Variants in ACIN1 observed in about 807,000 individuals in gnomAD.
The protein encoded by ACIN1 is apoptotic chromatin condensation inducer 1.
ACIN1 carries 16 observed loss-of-function variants against 146.6 expected under a neutral mutation model. The ratio of observed to expected loss-of-function variants is 0.11; its 90% CI spans 0.07 to 0.17. The LOEUF (loss-of-function observed/expected upper bound fraction) is 0.17. ACIN1 is among the 10% of genes least tolerant of loss of function. ACIN1 has a pLI of 1.00. For synonymous variants in ACIN1, 569 were observed against 582.7 expected (o/e 0.98, Z 0.34); for missense variants, 1,357 against 1,609.3 (o/e 0.84, Z 2.68).
chr14:23,093,427 T>A, intron 2 of ACIN1, 52 bp downstream of exon 2: 1 of 1,530,392 alleles, frequency 6.5e-7, no homozygotes, highest in Non-Finnish European at 9.1e-7. Flanking sequence ...CGTCCTTCCA[T>A]GTGTCTGGAT....
At chr14:23,077,288 A>AT (rs960313058) in intron 8 of ACIN1, among the ~76,000 whole-genome samples, 4 of 152,238 alleles carry the variant, frequency 2.6e-5, no homozygotes, top group African/African-American at 9.6e-5. Context: ...TTAATATGGC[A>AT]TAAAAACAAG....
intron 10 of ACIN1, among the ~76,000 whole-genome samples, chr14:23,065,135 A>G (rs971384992): frequency 3.9e-5 from 6 of 152,130 alleles, no homozygotes; most frequent in Middle Eastern, 3.2e-3. Flanking sequence ...TCATGATGGG[A>G]TCTGGTCTTC....
chr14:23,088,693 G>A (rs551450331), intron 4 of ACIN1, among the ~76,000 whole-genome samples: 12 of 152,272 alleles, frequency 7.9e-5, no homozygotes, highest in African/African-American at 2.9e-4. Flanking sequence ...TTACACATTG[G>A]TTTAACATAT....
chr14:23,092,378 C>T (rs1566760402), intron 2 of ACIN1, among the ~76,000 whole-genome samples: 4 of 151,972 alleles, frequency 2.6e-5, no homozygotes, highest in African/African-American at 9.7e-5. Context: ...TGCACAAACC[C>T]GGTGTTAATA....
In ACIN1 at chr14:23,080,717, A is replaced by T; in HGVS notation, c.618T>A (p.Asp206Glu). 6.2e-7 allele frequency: 1 copy of T among 1,612,930 alleles called. No homozygotes were observed. The change falls in exon 6 of 19, where the codon GAT becomes GAA. Residue 206 changes from aspartate (D) to glutamate (E), a missense_variant. Asp to Glu is a conservative substitution (Grantham distance 45). Around this residue, in one of 4 missense-constraint regions of ACIN1, gnomAD observed 771 missense variants for 746.6 expected, o/e 1.03. Transcript: ENST00000605057. ...TPSRNLRVRA[D>E]RNLKTEEEEE... ...CTTCCTCCTCTGTTTTCAAATTTCGATCTGCTCTGACCCTTAGGTTTCTGG... is the reference window on the plus strand; with the variant it reads ...CTTCCTCCTCTGTTTTCAAATTTCGTTCTGCTCTGACCCTTAGGTTTCTGG...
intron 5 of ACIN1, 97 bp downstream of exon 5, chr14:23,081,651 T>C: frequency 1.8e-6 from 2 of 1,099,944 alleles, no homozygotes; most frequent in East Asian, 2.4e-5. Flanking sequence ...ACAAAACCCC[T>C]AAATGTAGAG....
intron 4 of ACIN1, among the ~76,000 whole-genome samples, chr14:23,088,622 A>G (rs771956165): frequency 6.6e-6 from 1 of 151,428 alleles, no homozygotes; most frequent in Non-Finnish European, 1.5e-5. Context: ...CATCCTAAAA[A>G]CACTGATTAT....
In ACIN1 at chr14:23,058,971, G is replaced by A; in HGVS notation, c.*177C>T. The A allele has an allele frequency of 1.6e-6, 1 of 628,642 alleles. No individual in the cohort carries two copies. The highest frequency in any genetic ancestry group is 2.0e-5 in the South Asian group (1 of 51,048). 38.9% of individuals were successfully genotyped at this position (628,642 alleles called of 1,614,324 possible). ...GGTCGGGCTAAGTCCCAAGAGATAGGTTAAGGGGGTGTGTTTGGGGGGAAA... is the reference window on the plus strand; with the variant it reads ...GGTCGGGCTAAGTCCCAAGAGATAGATTAAGGGGGTGTGTTTGGGGGGAAA... On this transcript the variant is annotated 3_prime_UTR_variant, in exon 19 of 19. Coordinates refer to ENST00000605057, the MANE Select transcript of ACIN1 (RefSeq NM_001386863.1).
chr14:23,090,449 A>G lies in ACIN1; in HGVS notation c.316+73T>C. ...CACTTATTTCTGAAATTGTCTAGTTAGACAGGCCTATCTACTTGGTGACAG... is the reference window on the plus strand; with the variant it reads ...CACTTATTTCTGAAATTGTCTAGTTGGACAGGCCTATCTACTTGGTGACAG... On this transcript the variant is annotated intron_variant, in intron 3 of 18. Coordinates refer to ENST00000605057, the MANE Select transcript of ACIN1 (RefSeq NM_001386863.1). 3 of 1,313,412 alleles carry G rather than the reference A, an allele frequency of 2.3e-6. No individual in the cohort carries two copies. In the East Asian group the frequency reaches 7.0e-5, roughly 31 times the overall value. The allele number at this position is 1,313,412 out of a possible 1,614,324, so 81.4% of individuals were successfully genotyped here. A position where few individuals can be genotyped will look rare whatever the true frequency, so the allele number is the denominator to read the frequency against.
At chr14:23,081,713 T>C in intron 5 of ACIN1, 35 bp downstream of exon 5, 1 of 1,477,834 alleles carries the variant, frequency 6.8e-7, no homozygotes, top group Non-Finnish European at 9.3e-7. Context: ...AAAGCATTAC[T>C]GAAGAGGTAA....
rs2140053048 is a variant in ACIN1 at position 23,068,602 on chromosome 14, A to C, written c.2265+874T>G. ...AGTAGCAGCGGGTGGGTCCAGAGGA[A>C]GAGGCGGCATCAGCGATTGGCCAGT... On this transcript the variant is annotated intron_variant, in intron 9 of 18. Coordinates refer to ENST00000605057, the MANE Select transcript of ACIN1 (RefSeq NM_001386863.1). The surrounding 1 kb of genome is among the most constrained non-coding windows in gnomAD (Gnocchi z 4.3). 3.0e-6 allele frequency: 3 copies of C among 985,974 alleles called. No homozygotes were observed. In the South Asian group the frequency reaches 1.4e-4, roughly 46 times the overall value. The allele number at this position is 985,974 out of a possible 1,614,324, so 61.1% of individuals were successfully genotyped here.
upstream of ACIN1, chr14:23,095,217 C>A (rs769064654): frequency 1.2e-6 from 2 of 1,613,860 alleles, no homozygotes; most frequent in Admixed American, 3.3e-5. Context: ...CTGCCATACT[C>A]TACCCCTCGA....
chr14:23,074,303 C>T (rs187364687), intron 8 of ACIN1, among the ~76,000 whole-genome samples: 68 of 151,966 alleles, frequency 4.5e-4, no homozygotes, highest in Admixed American at 2.2e-3. Flanking sequence ...TGGTGGCTCA[C>T]GCCTGTAATA....
At chr14:23,061,758 G>T in intron 16 of ACIN1, 136 bp from the exon 17 acceptor site, 2 of 736,936 alleles carry the variant, frequency 2.7e-6, no homozygotes, top group South Asian at 2.0e-5. Flanking sequence ...CAGATCACGA[G>T]GTCAGGAGAC....
Position 23,059,239 on chromosome 14 carries a change from C to T in ACIN1, c.3761G>A (p.Arg1254Gln). Residue 1254 changes from arginine to glutamine, a missense_variant, in exon 19 of 19, where the codon CGA becomes CAA. By Grantham distance (43) the Arg-to-Gln change is conservative. Around this residue, in one of 4 missense-constraint regions of ACIN1, gnomAD observed 509 missense variants for 719.6 expected, o/e 0.71. Coordinates refer to ENST00000605057, the MANE Select transcript of ACIN1 (RefSeq NM_001386863.1). ...GTCCCTGCGATCCCTTTCCCTGCCT[C>T]GTTCTCGGTCCCTTTCCCTATCCCG... ...RDRDRERDRERGRERDRRDTK... is the reference protein window; with the variant it reads ...RDRDRERDREQGRERDRRDTK... 1.2e-6 allele frequency: 2 copies of T among 1,613,864 alleles called. No homozygotes were observed. The highest frequency in any genetic ancestry group is 2.2e-5 in the South Asian group (2 of 91,060).
At position 23,093,549 on chromosome 14, in the gene ACIN1, T is replaced by A. The variant is rs2048282008; in HGVS notation, c.139-5A>T. ...TAAATTTTCTAGCATTAGAGCCTGG[T>A]ATAGAGAAGGGTAAAAGTCAGAAAT... On this transcript the variant is annotated splice_region_variant and splice_polypyrimidine_tract_variant and intron_variant, in intron 1 of 18. Coordinates refer to ENST00000605057, the MANE Select transcript of ACIN1 (RefSeq NM_001386863.1). The A allele has an allele frequency of 6.2e-7, 1 of 1,613,476 alleles. No homozygotes were observed. Among genetic ancestry groups the A allele is most frequent in the Non-Finnish European group, 8.5e-7 (1 of 1,179,508 alleles).
chr14:23,065,769 A>G (rs1165444862), intron 10 of ACIN1, among the ~76,000 whole-genome samples, 197 bp downstream of exon 10: 4 of 152,232 alleles, frequency 2.6e-5, no homozygotes, highest in African/African-American at 4.8e-5. Flanking sequence ...GACTGGAGCA[A>G]TATGATGGGG....
chr14:23,065,883 T>C lies in ACIN1; in HGVS notation c.2308+83A>G, dbSNP rs528922980. 7.4e-4 allele frequency: 968 copies of C among 1,315,820 alleles called. 3 individuals carry two copies. The highest frequency in any genetic ancestry group is 4.5e-3 in the East Asian group (193 of 43,354). The allele number at this position is 1,315,820 out of a possible 1,614,324, so 81.5% of individuals were successfully genotyped here. Reference sequence around the variant, plus strand: ...AGGAGGGAGTGACCCAAGAATGCCATTGAGAATGAAATTCTGGTTCTCAAT... The same window carrying C: ...AGGAGGGAGTGACCCAAGAATGCCACTGAGAATGAAATTCTGGTTCTCAAT... On this transcript the variant is annotated intron_variant, in intron 10 of 18. Transcript: ENST00000605057.
At chr14:23,080,840 T>C (rs368514646) in intron 5 of ACIN1, 31 bp from the exon 6 acceptor site, 4 of 1,560,356 alleles carry the variant, frequency 2.6e-6, no homozygotes, top group Non-Finnish European at 3.5e-6. Context: ...TGGCTCCAAA[T>C]GTATTTGCTC....
Sources: allele counts gnomAD v4.1 joint callset (sites outside exome capture counted in the v4.1 genomes callset), GRCh38; gene constraint gnomAD v4.1.1; regional missense constraint gnomAD v4.1.1; non-coding constraint Gnocchi (gnomAD v3.1); transcripts MANE v1.5; gene names NCBI Gene and HGNC (gene_info 2026-07-23, HGNC 2026-07-21).